The following ADGRA3 variants were observed in gnomAD, a reference collection of about 807,000 sequenced individuals.
ADGRA3 encodes adhesion G protein-coupled receptor A3.
Under a neutral mutation model 119.8 loss-of-function variants are expected in ADGRA3, and 56 were observed. The observed-to-expected ratio is 0.47, with a 90% CI of 0.38 to 0.58. The LOEUF (loss-of-function observed/expected upper bound fraction) is 0.58, where lower values mean the gene tolerates loss of function less well. Ranked by LOEUF, ADGRA3 falls within the 20% of genes least tolerant of loss-of-function variation. The pLI, the probability that ADGRA3 is intolerant of heterozygous loss-of-function variation, is 0.00. For missense variants in ADGRA3, 1,516 were observed against 1,649.0 expected (o/e 0.92, Z 1.40); for synonymous variants, 607 against 623.8 (o/e 0.97, Z 0.40).
intron 17 of ADGRA3, among the ~76,000 whole-genome samples, chr4:22,389,917 C>G (rs749574094): frequency 6.6e-6 from 1 of 152,080 alleles, no homozygotes; most frequent in Non-Finnish European, 1.5e-5. Context: ...GCGTTTGCTC[C>G]TTCCTGAGAC....
rs1274557020 is a variant in ADGRA3 at position 22,400,662 on chromosome 4, C to T, written c.2481+769G>A. Among the ~76,000 whole-genome samples the T allele has an allele frequency of 5.0e-4, 75 of 150,958 alleles. 1 individual carries two copies. Among genetic ancestry groups the T allele is most frequent in the Admixed American group, 5.0e-3 (75 of 15,112 alleles). ...TAACAATACTGTACTGTACAGTGAA[C>T]AATTTGTTTACAGAGATCACATGTT... On this transcript the variant is annotated intron_variant, in intron 16 of 18. Coordinates refer to ENST00000334304, the MANE Select transcript of ADGRA3 (RefSeq NM_145290.4).
chr4:22,419,048 C>T (rs142784777), intron 12 of ADGRA3, among the ~76,000 whole-genome samples: 1 of 151,952 alleles, frequency 6.6e-6, no homozygotes, highest in Non-Finnish European at 1.5e-5. Context: ...GGATGGGAGT[C>T]CGAAGCAGGC....
chr4:22,463,571 C>A (rs1560330278), intron 2 of ADGRA3, among the ~76,000 whole-genome samples: 1 of 152,206 alleles, frequency 6.6e-6, no homozygotes, highest in East Asian at 1.9e-4. Flanking sequence ...GCAATGAGCA[C>A]AGATTCACGT....
At chr4:22,492,173 G>C (rs527333209) in intron 1 of ADGRA3, among the ~76,000 whole-genome samples, 21 of 152,176 alleles carry the variant, frequency 1.4e-4, no homozygotes, top group Non-Finnish European at 1.8e-4. Context: ...GGAATGCGGA[G>C]GCGAAAAAGC....
rs6840912 is a variant in ADGRA3 at position 22,414,714 on chromosome 4, T to C, written c.1810-900A>G. On this transcript the variant is annotated intron_variant, in intron 12 of 18. Coordinates refer to ENST00000334304, the MANE Select transcript of ADGRA3 (RefSeq NM_145290.4). Reference sequence around the variant, plus strand: ...AGTTCACCATATAATTTGATGAAAATCTATTGCTCAGATGTATCCCCTGAA... The same window carrying C: ...AGTTCACCATATAATTTGATGAAAACCTATTGCTCAGATGTATCCCCTGAA... 3,406 of 631,434 alleles carry C rather than the reference T, an allele frequency of 5.4e-3. 87 individuals carry two copies. In the African/African-American group the frequency reaches 0.056, roughly 10 times the overall value. 39.1% of individuals were successfully genotyped at this position (631,434 alleles called of 1,614,324 possible).
At position 22,458,811 on chromosome 4, in the gene ADGRA3, A is replaced by G. The variant is rs1051454805; in HGVS notation, c.401+2926T>C. 5.3e-5 allele frequency among the ~76,000 whole-genome samples: 8 copies of G among 152,152 alleles called. No homozygotes were observed. In the East Asian group the frequency reaches 1.3e-3, roughly 26 times the overall value. The stretch of plus-strand genomic sequence containing the variant: ...GCCAGCTTTTCTAACTTGTTCCATT[A>G]AAAGTCTTCACTAGAAAATAATAAA... On this transcript the variant is annotated intron_variant, in intron 3 of 18. Coordinates refer to ENST00000334304, the MANE Select transcript of ADGRA3 (RefSeq NM_145290.4).
chr4:22,462,423 C>T (rs1717500768), intron 2 of ADGRA3, among the ~76,000 whole-genome samples: 2 of 152,118 alleles, frequency 1.3e-5, no homozygotes, highest in African/African-American at 2.4e-5. Context: ...AAGCAATTCT[C>T]GTGCCTCAGC....
intron 1 of ADGRA3, among the ~76,000 whole-genome samples, chr4:22,513,400 C>T (rs992029700): frequency 6.6e-6 from 1 of 151,964 alleles, no homozygotes; most frequent in Non-Finnish European, 1.5e-5. Context: ...AGGTGATCCA[C>T]CCACTTCCAC....
At position 22,421,034 on chromosome 4, in the gene ADGRA3, C is replaced by T; in HGVS notation, c.1661G>A (p.Gly554Glu). Residue 554 changes from glycine to glutamate, a missense_variant, in exon 12 of 19, where the codon GGG becomes GAG. By Grantham distance (98) the Gly-to-Glu change is moderately conservative. Coordinates refer to ENST00000334304, the MANE Select transcript of ADGRA3 (RefSeq NM_145290.4). The stretch of plus-strand genomic sequence containing the variant: ...TTTCTGGAACACGGTACAGGTCATC[C>T]CCGTGAAGCCAGTAGACTTGATGAC... ...AYVIKSTGFT[G>E]MTCTVFQKVA... 2 of 1,613,990 alleles carry T rather than the reference C, an allele frequency of 1.2e-6. No individual in the cohort carries two copies. Among genetic ancestry groups the T allele is most frequent in the Non-Finnish European group, 1.7e-6 (2 of 1,179,952 alleles).
chr4:22,444,524 G>C (rs1004489298), intron 6 of ADGRA3, among the ~76,000 whole-genome samples: 4 of 152,082 alleles, frequency 2.6e-5, no homozygotes, highest in African/African-American at 7.2e-5. Flanking sequence ...GACCTCAAGT[G>C]ATCCACTGGG....
intron 4 of ADGRA3, among the ~76,000 whole-genome samples, chr4:22,450,214 T>G (rs1716983988): frequency 6.6e-6 from 1 of 150,518 alleles, no homozygotes; most frequent in Non-Finnish European, 1.5e-5. Flanking sequence ...CACAATAAGC[T>G]CATAGAATGG....
intron 5 of ADGRA3, among the ~76,000 whole-genome samples, chr4:22,446,142 C>T (rs1297201645): frequency 6.6e-6 from 1 of 152,084 alleles, no homozygotes; most frequent in Admixed American, 6.6e-5. Context: ...TCAGGGTTCA[C>T]CTCAGTAGTT....
At chr4:22,512,429 T>C (rs1422493747) in intron 1 of ADGRA3, among the ~76,000 whole-genome samples, 1 of 152,196 alleles carries the variant, frequency 6.6e-6, no homozygotes, top group Non-Finnish European at 1.5e-5. Flanking sequence ...TATTCTGTCA[T>C]GAGCTGGACA....
intron 1 of ADGRA3, among the ~76,000 whole-genome samples, chr4:22,497,157 GGTGTC>G (rs1718858543): frequency 6.6e-6 from 1 of 152,114 alleles, no homozygotes; most frequent in African/African-American, 2.4e-5. Flanking sequence ...CCAGAACACT[GGTGTC>G]AAAGGATTCT....
rs1442288657 is a variant in ADGRA3, at chr4:22,515,997, CAGCGCCGCTCTACCGCCCGGCGCG to C, written c.-237_-214del. On this transcript the variant is annotated 5_prime_UTR_variant, in exon 1 of 19. Transcript: ENST00000334304. ...CCGGGGGTCACGGCCGCATGGGTCC[CAGCGCCGCTCTACCGCCCGGCGCG>C]AGCACCGCCTCCTCCTCCTCCTCTG... is the stretch of plus-strand genomic sequence containing the variant. 6.1e-6 allele frequency: 1 copy of C among 163,740 alleles called. No individual in the cohort carries two copies. Among genetic ancestry groups the C allele is most frequent in the Non-Finnish European group, 1.3e-5 (1 of 78,552 alleles). 10.1% of individuals were successfully genotyped at this position (163,740 alleles called of 1,614,324 possible).
At chr4:22,432,136 C>T (rs958762494) in intron 10 of ADGRA3, among the ~76,000 whole-genome samples, 1 of 151,990 alleles carries the variant, frequency 6.6e-6, no homozygotes, top group African/African-American at 2.4e-5. Flanking sequence ...AAACCCCCCA[C>T]CTAAAAAAAA....
intron 14 of ADGRA3, among the ~76,000 whole-genome samples, chr4:22,409,500 G>A (rs1017128459): frequency 1.3e-5 from 2 of 152,220 alleles, no homozygotes; most frequent in South Asian, 4.1e-4. Flanking sequence ...CTAGCTTTGT[G>A]AGCATGGCAT....
intron 12 of ADGRA3, among the ~76,000 whole-genome samples, chr4:22,418,462 G>A (rs1715516156): frequency 6.6e-6 from 1 of 152,158 alleles, no homozygotes; most frequent in South Asian, 2.1e-4. Flanking sequence ...CAAGGAGCTG[G>A]GAAGGGAGGG....
intron 1 of ADGRA3, among the ~76,000 whole-genome samples, chr4:22,504,751 T>A (rs375645409): frequency 6.6e-6 from 1 of 151,932 alleles, no homozygotes; most frequent in South Asian, 2.1e-4. Flanking sequence ...TCTTTTTTTG[T>A]GGCAGATGAC....
Sources: allele counts gnomAD v4.1 joint callset (sites outside exome capture counted in the v4.1 genomes callset), GRCh38; gene constraint gnomAD v4.1.1; transcripts MANE v1.5; gene names NCBI Gene and HGNC (gene_info 2026-07-23, HGNC 2026-07-21).